Variants in OXR1 observed in about 807,000 individuals in gnomAD.
OXR1 encodes oxidation resistance 1, also known as oxidation resistance protein 1.
A neutral mutation model predicts 104.6 loss-of-function variants in OXR1; 41 were observed. That is an observed-to-expected ratio of 0.39 (90% CI 0.31 to 0.51). The LOEUF is 0.51. Among genes scored for constraint, OXR1 ranks in the 20% least tolerant of loss-of-function variants. The pLI, the probability that OXR1 is intolerant of heterozygous loss-of-function variation, is 0.77. For missense variants in OXR1, 955 were observed against 1,031.9 expected, an observed-to-expected ratio of 0.93 and a Z score of 1.02; for synonymous variants, 348 against 348.4, an observed-to-expected ratio of 1.00 and a Z score of 0.01.
At chr8:106,287,262 A>G (rs1009393663) in intron 1 of OXR1, among the ~76,000 whole-genome samples, 2 of 152,174 alleles carry the variant, frequency 1.3e-5, no homozygotes, top group African/African-American at 4.8e-5. Context: ...TCATGGCTAA[A>G]AGGAGGTCAG....
intron 3 of OXR1, among the ~76,000 whole-genome samples, chr8:106,532,514 T>A (rs1246761794): frequency 6.6e-6 from 1 of 152,168 alleles, no homozygotes; most frequent in Admixed American, 6.5e-5. Flanking sequence ...GCTTAAATGA[T>A]CCTGGCACAC....
At chr8:106,427,592 T>C (rs1819185356) in intron 2 of OXR1, among the ~76,000 whole-genome samples, 1 of 152,206 alleles carries the variant, frequency 6.6e-6, no homozygotes, top group Non-Finnish European at 1.5e-5. Context: ...TGTGACATGA[T>C]TGTGGCTGTT....
intron 2 of OXR1, among the ~76,000 whole-genome samples, chr8:106,365,175 AT>A (rs933801097): frequency 2.6e-4 from 40 of 151,766 alleles, no homozygotes; most frequent in African/African-American, 8.9e-4. Context: ...GATATTTCTA[AT>A]TTTTTTTTAA....
intron 15 of OXR1, among the ~76,000 whole-genome samples, chr8:106,745,409 A>G (rs1835300270): frequency 6.6e-6 from 1 of 152,240 alleles, no homozygotes; most frequent in African/African-American, 2.4e-5. Context: ...TCCAATTAAC[A>G]TACATTTCTG....
At chr8:106,750,450 C>T (rs1381344431) in intron 16 of OXR1, among the ~76,000 whole-genome samples, 2 of 151,764 alleles carry the variant, frequency 1.3e-5, no homozygotes, top group African/African-American at 2.4e-5. Flanking sequence ...CTCTGCCTCC[C>T]GAGTAGCTGG....
rs141131996 is a variant in OXR1, at chr8:106,468,963, G to T, written c.24-49980G>T. 3.7e-3 allele frequency among the ~76,000 whole-genome samples: 556 copies of T among 151,824 alleles called. 1 individual carries two copies. The highest frequency in any genetic ancestry group is 6.8e-3 in the Middle Eastern group (2 of 294). ...ACTGACTACATATTCCTTTTGCCTA[G>T]AATACTTACTCATCCTGAAGTGTTG... is the stretch of plus-strand genomic sequence containing the variant. On this transcript the variant is annotated intron_variant, in intron 2 of 16. Coordinates refer to ENST00000517566, the MANE Select transcript of OXR1 (RefSeq NM_001198533.2).
chr8:106,348,680 T>A (rs949989814), intron 1 of OXR1, among the ~76,000 whole-genome samples: 1 of 152,310 alleles, frequency 6.6e-6, no homozygotes, highest in Admixed American at 6.5e-5. Flanking sequence ...TGATTATTTA[T>A]TTAGTGCTAC....
At position 106,740,347 on chromosome 8, in the gene OXR1, C is replaced by T. The variant is rs769989385; in HGVS notation, c.2168C>T (p.Thr723Ile). ...CTAACACTTTGTTTTCTAAAGCTTA[C>T]CAAGCATCTTCCACCAAGAACAATT... ...LLLPDQIEKL[T>I]KHLPPRTIGY... Residue 723 changes from threonine (T) to isoleucine (I), a missense_variant, in exon 14 of 17, where the codon ACC becomes ATC. Coordinates refer to ENST00000517566, the MANE Select transcript of OXR1 (RefSeq NM_001198533.2). The T allele has an allele frequency of 6.2e-7, 1 of 1,609,358 alleles. No individual in the cohort carries two copies. The highest frequency in any genetic ancestry group is 8.5e-7 in the Non-Finnish European group (1 of 1,177,982).
At chr8:106,413,290 A>G (rs909750095) in intron 2 of OXR1, among the ~76,000 whole-genome samples, 5 of 152,106 alleles carry the variant, frequency 3.3e-5, no homozygotes, top group African/African-American at 7.2e-5. Flanking sequence ...ATTCAAGCAC[A>G]TATAGGTAGC....
intron 1 of OXR1, among the ~76,000 whole-genome samples, chr8:106,293,965 ATTTTTTTT>A (rs61559960): frequency 4.8e-5 from 6 of 124,348 alleles, no homozygotes; most frequent in East Asian, 2.2e-4. Context: ...TGACAGTTTA[ATTTTTTTT>A]TTTTTTTTTT....
In OXR1 at chr8:106,683,287, G is replaced by A; in HGVS notation, c.392G>A (p.Arg131Gln). ...GTTCAATTAAATAAGTTATTCTCCCGAGCAGTTGTTACTGGACAGGTAGTA... is the reference window on the plus strand; with the variant it reads ...GTTCAATTAAATAAGTTATTCTCCCAAGCAGTTGTTACTGGACAGGTAGTA... ...ELVQLNKLFS[R>Q]AVVTGQVLYV... Residue 131 changes from arginine (R) to glutamine (Q), a missense_variant, in exon 5 of 17, where the codon CGA becomes CAA. By Grantham distance (43) the Arg-to-Gln change is conservative (BLOSUM62 1). Coordinates refer to ENST00000517566, the MANE Select transcript of OXR1 (RefSeq NM_001198533.2). 1.3e-6 allele frequency: 2 copies of A among 1,583,130 alleles called. No individual in the cohort carries two copies. The highest frequency in any genetic ancestry group is 8.7e-7 in the Non-Finnish European group (1 of 1,152,592).
intron 2 of OXR1, among the ~76,000 whole-genome samples, chr8:106,440,202 T>C (rs914783680): frequency 2.6e-5 from 4 of 152,094 alleles, no homozygotes; most frequent in Non-Finnish European, 4.4e-5. Context: ...TTATAATTTA[T>C]TGATTTATTC....
rs116438935 is a variant in OXR1, at chr8:106,330,629, G to C, written c.-138-28847G>C. Among the ~76,000 whole-genome samples the C allele has an allele frequency of 3.8e-3, 584 of 152,254 alleles. 3 individuals are homozygous for C. The highest frequency in any genetic ancestry group is 0.013 in the African/African-American group (553 of 41,530). On this transcript the variant is annotated intron_variant, in intron 1 of 16. Transcript: ENST00000517566. ...TTTTGGATGGGGTTTATTACTGCTG[G>C]ATGTTAAGAACTTCTTCTAGATTAT...
chr8:106,710,493 T>A (rs1274626815), intron 9 of OXR1, 129 bp from the exon 10 acceptor site: 3 of 458,954 alleles, frequency 6.5e-6, no homozygotes, highest in Non-Finnish European at 1.1e-5. Context: ...TAAGAAAATG[T>A]ACTTTAGCAC....
chr8:106,594,717 A>G lies in OXR1; in HGVS notation c.220+75578A>G, dbSNP rs144827242. Reference sequence around the variant, plus strand: ...CTGGAGCACAGGGATACTGATAAGAATGAACTGATTCATATTGCTGCTAAG... The same window carrying G: ...CTGGAGCACAGGGATACTGATAAGAGTGAACTGATTCATATTGCTGCTAAG... On this transcript the variant is annotated intron_variant, in intron 3 of 16. Transcript: ENST00000517566. Among the ~76,000 whole-genome samples, 365 of 152,328 alleles carry G rather than the reference A, an allele frequency of 2.4e-3. 1 individual carries two copies. Among genetic ancestry groups the G allele is most frequent in the African/African-American group, 8.3e-3 (345 of 41,588 alleles).
chr8:106,678,966 A>G (rs969116907), intron 3 of OXR1, among the ~76,000 whole-genome samples: 1 of 152,002 alleles, frequency 6.6e-6, no homozygotes, highest in Non-Finnish European at 1.5e-5. Context: ...TCTGTTGACA[A>G]TTATGTTTTG....
chr8:106,721,569 T>G (rs1319600137), intron 11 of OXR1, among the ~76,000 whole-genome samples: 1 of 152,192 alleles, frequency 6.6e-6, no homozygotes, highest in Non-Finnish European at 1.5e-5. Flanking sequence ...AAAAAGACAT[T>G]CTGTACAGTT....
chr8:106,748,249 A>G (rs772921621), intron 16 of OXR1, among the ~76,000 whole-genome samples: 2 of 152,218 alleles, frequency 1.3e-5, no homozygotes, highest in African/African-American at 4.8e-5. Flanking sequence ...ATGAATTTCA[A>G]TTTGAACCTT....
chr8:106,553,389 G>A (rs540618141), intron 3 of OXR1, among the ~76,000 whole-genome samples: 3 of 150,104 alleles, frequency 2.0e-5, no homozygotes, highest in African/African-American at 7.4e-5. Flanking sequence ...TGCAATCTCA[G>A]CTTACTGCAG....
Sources: allele counts gnomAD v4.1 joint callset (sites outside exome capture counted in the v4.1 genomes callset), GRCh38; gene constraint gnomAD v4.1.1; transcripts MANE v1.5; gene names NCBI Gene and HGNC (gene_info 2026-07-23, HGNC 2026-07-21).